Variants in TMEM217 observed in about 807,000 individuals in gnomAD.
TMEM217 encodes the protein transmembrane protein 217, also known as chromosome 6 open reading frame 128.
For synonymous variants in TMEM217, 76 were observed against 88.3 expected (o/e 0.86, Z 0.78); for missense variants, 204 against 248.8 (o/e 0.82, Z 1.21).
At chr6:37,219,110 C>T in intron 1 of TMEM217, 69 bp from the exon 2 acceptor site, 1 of 1,360,056 alleles carries the variant, frequency 7.4e-7, no homozygotes, top group Non-Finnish European at 1.0e-6. Context: ...AGGGTTTCTG[C>T]CTCCTTCCCC....
At chr6:37,231,174 C>T (rs1167731360) in intron 1 of TMEM217, among the ~76,000 whole-genome samples, 1 of 151,664 alleles carries the variant, frequency 6.6e-6, no homozygotes, top group Non-Finnish European at 1.5e-5. Flanking sequence ...ATTCTCCTGC[C>T]TCAGCCTTGC....
intron 1 of TMEM217, among the ~76,000 whole-genome samples, chr6:37,240,122 C>T (rs1764690765): frequency 6.6e-6 from 1 of 152,178 alleles, no homozygotes. Context: ...GTTTTGCCCT[C>T]TGAACTCTTG....
At chr6:37,240,757 TA>T (rs150021413) in intron 1 of TMEM217, among the ~76,000 whole-genome samples, 1,740 of 152,202 alleles carry the variant, frequency 0.011, 38 homozygotes, top group African/African-American at 0.039. Flanking sequence ...AAAATAAATT[TA>T]AAAAAAGACA....
chr6:37,224,717 AGCAGCTGGGAT>A (rs1224405180), intron 1 of TMEM217, among the ~76,000 whole-genome samples: 5 of 152,072 alleles, frequency 3.3e-5, no homozygotes, highest in Non-Finnish European at 5.9e-5. Flanking sequence ...CAGCCTTCTG[AGCAGCTGGGAT>A]TACAGGAGTG....
downstream of TMEM217, chr6:37,217,503 A>T: frequency 2.5e-6 from 1 of 397,600 alleles, no homozygotes; most frequent in Non-Finnish European, 3.4e-6. Flanking sequence ...AATGTTCAGT[A>T]CAGTGTTCAC....
chr6:37,222,462 G>A (rs190558148), intron 1 of TMEM217, among the ~76,000 whole-genome samples: 2 of 152,340 alleles, frequency 1.3e-5, no homozygotes, highest in East Asian at 3.9e-4. Flanking sequence ...GGGTCCCCGA[G>A]GGTGCAGGCT....
chr6:37,218,169 CTT>C (rs11404339), exon 2 of TMEM217: 2,071 of 1,005,646 alleles, frequency 2.1e-3, no homozygotes, highest in East Asian at 4.6e-3. Flanking sequence ...AAGCTGCTAA[CTT>C]TTTTTTTTTT....
chr6:37,235,080 G>A (rs538683981), intron 1 of TMEM217, among the ~76,000 whole-genome samples: 9 of 152,168 alleles, frequency 5.9e-5, no homozygotes, highest in Non-Finnish European at 1.2e-4. Context: ...AGCTGGCAAT[G>A]TGGAAGGACA....
At chr6:37,218,323 C>T in exon 2 of TMEM217, 1 of 1,174,160 alleles carries the variant, frequency 8.5e-7, no homozygotes, top group Non-Finnish European at 1.2e-6. Flanking sequence ...TGTGTGCCGC[C>T]ACGCCTGGCT....
At chr6:37,215,458 TGGGA>T (rs1159784580), downstream of TMEM217, among the ~76,000 whole-genome samples, 1 of 149,740 alleles carries the variant, frequency 6.7e-6, no homozygotes, top group Non-Finnish European at 1.5e-5. Context: ...GCCAACTACC[TGGGA>T]GGCTGAGGCA....
At chr6:37,248,076 T>TA (rs1221068023) in intron 1 of TMEM217, among the ~76,000 whole-genome samples, 1 of 152,148 alleles carries the variant, frequency 6.6e-6, no homozygotes, top group Non-Finnish European at 1.5e-5. Context: ...CCTCTTTACC[T>TA]AGTAAAATCA....
chr6:37,218,609 A>C, exon 2 of TMEM217: 1 of 1,614,208 alleles, frequency 6.2e-7, no homozygotes, highest in Non-Finnish European at 8.5e-7. Flanking sequence ...GAACATCCAG[A>C]AACAGTGCAT....
chr6:37,223,574 T>G (rs1015976274), intron 1 of TMEM217, among the ~76,000 whole-genome samples: 22 of 152,196 alleles, frequency 1.4e-4, no homozygotes, highest in African/African-American at 5.3e-4. Context: ...AGTGGCGTGA[T>G]CTCAGTTCAC....
At chr6:37,231,226 A>ATT (rs35394043) in intron 1 of TMEM217, among the ~76,000 whole-genome samples, 315 of 86,924 alleles carry the variant, frequency 3.6e-3, no homozygotes, top group African/African-American at 4.0e-3. Flanking sequence ...TGCCTGGCTA[A>ATT]TTTTTTTTTT....
intron 1 of TMEM217, among the ~76,000 whole-genome samples, chr6:37,251,539 G>T (rs137895514): frequency 1.3e-5 from 2 of 152,348 alleles, no homozygotes; most frequent in East Asian, 3.9e-4. Flanking sequence ...TTAACAGAAT[G>T]TTGAGTGAAA....
intron 1 of TMEM217, among the ~76,000 whole-genome samples, chr6:37,249,230 A>G (rs1765256474): frequency 6.6e-6 from 1 of 152,232 alleles, no homozygotes; most frequent in African/African-American, 2.4e-5. Context: ...AAGCATATCC[A>G]TTTGTAGATT....
chr6:37,221,051 T>G (rs1763485126), intron 1 of TMEM217, among the ~76,000 whole-genome samples: 1 of 152,116 alleles, frequency 6.6e-6, no homozygotes, highest in South Asian at 2.1e-4. Context: ...CTCTAGAACT[T>G]TTTCATCTTG....
chr6:37,245,960 C>T (rs947016699), intron 1 of TMEM217, among the ~76,000 whole-genome samples: 6 of 152,044 alleles, frequency 3.9e-5, no homozygotes, highest in African/African-American at 4.8e-5. Context: ...CCACCAAGCC[C>T]GGCTAATTCT....
chr6:37,225,113 T>C (rs905096655), intron 1 of TMEM217, among the ~76,000 whole-genome samples: 1 of 151,596 alleles, frequency 6.6e-6, no homozygotes, highest in Admixed American at 6.6e-5. Context: ...GGTATGAGAA[T>C]CACTTGAGCC....
Sources: allele counts gnomAD v4.1 joint callset (sites outside exome capture counted in the v4.1 genomes callset), GRCh38; gene constraint gnomAD v4.1.1; transcripts MANE v1.5; gene names NCBI Gene and HGNC (gene_info 2026-07-23, HGNC 2026-07-21).